SCAI: variants seen among roughly 807,000 people sequenced by gnomAD.
SCAI encodes the protein protein SCAI.
In SCAI, 24 loss-of-function variants were observed where a neutral mutation model predicts 92.2. The ratio of observed to expected loss-of-function variants is 0.26; its 90% CI spans 0.19 to 0.37. The LOEUF (loss-of-function observed/expected upper bound fraction) is 0.37, where lower values mean the gene tolerates loss of function less well. Ranked by LOEUF, SCAI falls within the 10% of genes least tolerant of loss-of-function variation. SCAI has a pLI of 1.00. For missense variants in SCAI, 450 were observed against 736.2 expected (o/e 0.61, Z 4.50); for synonymous variants, 261 against 258.6 (o/e 1.01, Z -0.09).
chr9:125,043,962 G>C (rs1159729939), intron 3 of SCAI, among the ~76,000 whole-genome samples: 1 of 152,082 alleles, frequency 6.6e-6, no homozygotes, highest in Admixed American at 6.6e-5. Context: ...TTGGACCCAT[G>C]CTTCCCTGTG....
chr9:124,969,326 ATTTT>A (rs942941138), intron 17 of SCAI, among the ~76,000 whole-genome samples: 3 of 152,144 alleles, frequency 2.0e-5, no homozygotes, highest in Non-Finnish European at 4.4e-5. Flanking sequence ...GCTGCAAAAT[ATTTT>A]TTTAACTGTT....
rs994293884 is a variant in SCAI at position 124,944,476 on chromosome 9, T to TTTC, written c.*8330_*8331insGAA. ...CACCATGCCTGGCTAATTTTTTTTTTTTTTTTTTTTTTTTTGTATTTTAGT... is the reference window on the plus strand; with the variant it reads ...CACCATGCCTGGCTAATTTTTTTTTTTTCTTTTTTTTTTTTTTTGTATTTTAGT... On this transcript the variant is annotated 3_prime_UTR_variant, in exon 18 of 18. Transcript: ENST00000336505. 2 of 148,320 alleles carry TTTC rather than the reference T, an allele frequency of 1.3e-5. No individual in the cohort carries two copies. Among genetic ancestry groups the TTTC allele is most frequent in the Non-Finnish European group, 2.9e-5 (2 of 68,652 alleles). The allele number at this position is 148,320 out of a possible 1,614,324, so 9.2% of individuals were successfully genotyped here. A position where few individuals can be genotyped will look rare whatever the true frequency, so the allele number is the denominator to read the frequency against.
At chr9:125,109,382 T>A (rs955474115) in intron 2 of SCAI, among the ~76,000 whole-genome samples, 6 of 151,806 alleles carry the variant, frequency 4.0e-5, no homozygotes, top group Admixed American at 1.3e-4. Context: ...ATAATAATAA[T>A]AAAAGACAGG....
At chr9:125,013,112 TAA>T in intron 9 of SCAI, among the ~76,000 whole-genome samples, 1 of 151,976 alleles carries the variant, frequency 6.6e-6, no homozygotes, top group Middle Eastern at 3.4e-3. Context: ...ACATCACAAT[TAA>T]AAGAACTAGA....
intron 2 of SCAI, among the ~76,000 whole-genome samples, chr9:125,092,122 T>TC (rs1460538857): frequency 5.4e-4 from 55 of 102,542 alleles, no homozygotes; most frequent in Non-Finnish European, 8.3e-4. Context: ...AGAGCAAGAC[T>TC]CCGTCTCTTA....
chr9:125,142,869 C>T (rs1025401983), intron 1 of SCAI, among the ~76,000 whole-genome samples, 192 bp from the exon 2 acceptor site: 63 of 152,220 alleles, frequency 4.1e-4, no homozygotes, highest in African/African-American at 1.5e-3. Context: ...CTGGGACTCA[C>T]CGTTCCCCCA....
At chr9:125,077,997 G>A (rs1187197874) in intron 2 of SCAI, among the ~76,000 whole-genome samples, 1 of 151,714 alleles carries the variant, frequency 6.6e-6, no homozygotes, top group African/African-American at 2.4e-5. Flanking sequence ...TGGGATTACA[G>A]GCGTAAGCCA....
intron 2 of SCAI, among the ~76,000 whole-genome samples, chr9:125,064,653 C>T (rs1178404696): frequency 6.6e-6 from 1 of 152,086 alleles, no homozygotes; most frequent in African/African-American, 2.4e-5. Context: ...CAAGACCAGA[C>T]TGGCCAACAT....
At chr9:124,974,030 C>G (rs932473096) in intron 15 of SCAI, 2 of 246,438 alleles carry the variant, frequency 8.1e-6, no homozygotes, top group African/African-American at 4.7e-5. Context: ...AGGAGTTCCT[C>G]GTCCATTTGC....
intron 2 of SCAI, among the ~76,000 whole-genome samples, chr9:125,084,603 G>C (rs985919905): frequency 1.3e-5 from 2 of 152,122 alleles, no homozygotes; most frequent in African/African-American, 4.8e-5. Context: ...GGAGCACTCT[G>C]GTTCCCCTAG....
At chr9:125,113,203 T>C (rs1387809105) in intron 2 of SCAI, among the ~76,000 whole-genome samples, 4 of 152,190 alleles carry the variant, frequency 2.6e-5, no homozygotes, top group African/African-American at 7.2e-5. Context: ...CTTAGCCAGG[T>C]AATCAAGTTT....
chr9:125,065,591 G>C (rs1833855607), intron 2 of SCAI, among the ~76,000 whole-genome samples: 1 of 152,180 alleles, frequency 6.6e-6, no homozygotes, highest in Admixed American at 6.6e-5. Flanking sequence ...ATTTTATGAT[G>C]CCAACATAAT....
chr9:125,048,257 C>T (rs994467843), intron 3 of SCAI, among the ~76,000 whole-genome samples: 3 of 152,222 alleles, frequency 2.0e-5, no homozygotes, highest in Middle Eastern at 3.4e-3. Context: ...GGATTACAGG[C>T]AAGAGCCACT....
At chr9:125,065,202 T>G (rs1437335491) in intron 2 of SCAI, among the ~76,000 whole-genome samples, 2 of 151,720 alleles carry the variant, frequency 1.3e-5, no homozygotes, top group Non-Finnish European at 2.9e-5. Flanking sequence ...CTGGCAAGAA[T>G]GACCCACGGG....
chr9:125,002,191 G>A (rs1328169796), intron 11 of SCAI, 148 bp from the exon 12 acceptor site: 7 of 620,890 alleles, frequency 1.1e-5, no homozygotes, highest in South Asian at 1.9e-5. Flanking sequence ...TCTTGGTCCT[G>A]ACTTTAAAAC....
chr9:125,125,158 T>C (rs1835234587), intron 2 of SCAI, among the ~76,000 whole-genome samples: 1 of 152,034 alleles, frequency 6.6e-6, no homozygotes, highest in Admixed American at 6.6e-5. Context: ...GAGGTGGAAG[T>C]TGCAGTGAGC....
chr9:125,066,447 AT>A (rs1431532277), intron 2 of SCAI, among the ~76,000 whole-genome samples: 32 of 137,610 alleles, frequency 2.3e-4, no homozygotes, highest in South Asian at 1.1e-3. Flanking sequence ...ATTTTATTTT[AT>A]TTTATTTATT....
At chr9:125,048,806 C>T (rs1156310028) in intron 3 of SCAI, among the ~76,000 whole-genome samples, 3 of 151,962 alleles carry the variant, frequency 2.0e-5, no homozygotes, top group South Asian at 4.1e-4. Flanking sequence ...GAGGCAATGG[C>T]GTGATCTCGG....
At chr9:125,126,569 T>TGG (rs1835283830) in intron 2 of SCAI, among the ~76,000 whole-genome samples, 2 of 131,078 alleles carry the variant, frequency 1.5e-5, no homozygotes, top group African/African-American at 5.8e-5. Flanking sequence ...TGGGTGTGGG[T>TGG]GTGTGTGTGT....
Sources: gnomAD v4.1 joint callset for allele counts (sites outside exome capture counted in the v4.1 genomes callset) on GRCh38, gnomAD v4.1.1 for gene constraint, MANE v1.5 for transcripts, NCBI Gene and HGNC (gene_info 2026-07-23, HGNC 2026-07-21) for gene names.